ZFP1: variants seen among roughly 807,000 people sequenced by gnomAD.
ZFP1 encodes the protein zinc finger protein 1 homolog.
ZFP1 carries 32 observed loss-of-function variants against 38.5 expected under a neutral mutation model. That is an observed-to-expected ratio of 0.83 (90% CI 0.63 to 1.12). The LOEUF (loss-of-function observed/expected upper bound fraction) is 1.12. ZFP1 is among the 50% of genes most tolerant of loss of function. The pLI is 0.00. For missense variants in ZFP1, 616 were observed against 480.8 expected (o/e 1.28, Z -2.63); for synonymous variants, 245 against 168.8 (o/e 1.45, Z -3.50).
the ZFP1 span, among the ~76,000 whole-genome samples, chr16:75,134,987 G>A: frequency 1.3e-5 from 2 of 151,592 alleles, no homozygotes; most frequent in African/African-American, 4.9e-5. Context: ...CCAGGAGGCG[G>A]TGTTTGCGAT....
the ZFP1 span, among the ~76,000 whole-genome samples, chr16:75,124,613 C>T: frequency 6.7e-6 from 1 of 150,088 alleles, no homozygotes; most frequent in Admixed American, 6.6e-5. Context: ...GAAACCCCAT[C>T]TCTACTAAAA....
rs142601949 is a variant in ZFP1 at position 75,167,024 on chromosome 16, A to G, written c.142+128A>G. 9.9e-4 allele frequency: 1,450 copies of G among 1,463,266 alleles called. 7 individuals carry two copies. Among genetic ancestry groups the G allele is most frequent in the Middle Eastern group, 7.9e-3 (43 of 5,452 alleles). The allele number at this position is 1,463,266 out of a possible 1,614,324, so 90.6% of individuals were successfully genotyped here. ...TAAGTCCTCAGGTATTAAACCTGAG[A>G]GATCTTGCAGCCTTTAAAGCTCTAT... On this transcript the variant is annotated intron_variant, in intron 3 of 3. Coordinates refer to ENST00000570010, the MANE Select transcript of ZFP1 (RefSeq NM_153688.4).
At chr16:75,161,361 G>T (rs542877802) in intron 2 of ZFP1, among the ~76,000 whole-genome samples, 1 of 151,842 alleles carries the variant, frequency 6.6e-6, no homozygotes, top group Non-Finnish European at 1.5e-5. Flanking sequence ...GAGCCACTGC[G>T]CCCGGCCAAC....
intron 2 of ZFP1, among the ~76,000 whole-genome samples, chr16:75,162,950 C>A (rs1401493631): frequency 1.3e-5 from 2 of 149,738 alleles, no homozygotes; most frequent in African/African-American, 5.0e-5. Flanking sequence ...TGCTCTGTTG[C>A]CCAGGCTGGA....
intron 1 of ZFP1, chr16:75,149,180 TATC>T (rs1567519981): frequency 6.6e-6 from 1 of 152,344 alleles, no homozygotes; most frequent in Non-Finnish European, 1.5e-5. Flanking sequence ...CTTCCAGCGT[TATC>T]ATCTCCGTCG....
At chr16:75,134,889 C>A in the ZFP1 span, among the ~76,000 whole-genome samples, 21 of 151,894 alleles carry the variant, frequency 1.4e-4, no homozygotes, top group African/African-American at 2.4e-5. Flanking sequence ...GAAACCCCAT[C>A]TCTACTAAAA....
the ZFP1 span, among the ~76,000 whole-genome samples, chr16:75,120,244 C>T: frequency 2.0e-5 from 3 of 151,978 alleles, no homozygotes; most frequent in African/African-American, 7.3e-5. Context: ...TTTTTTTGAG[C>T]GAAAGTTTTT....
intron 1 of ZFP1, among the ~76,000 whole-genome samples, chr16:75,149,628 C>T (rs1173309308): frequency 1.5e-5 from 2 of 129,696 alleles, no homozygotes; most frequent in Non-Finnish European, 3.1e-5. Context: ...GGCTTGATCT[C>T]GGCTCACTGC....
Position 75,170,165 on chromosome 16 carries a change from A to G in ZFP1, c.1055A>G (p.Tyr352Cys), listed in dbSNP as rs200868124. The G allele has an allele frequency of 5.0e-6, 8 of 1,614,222 alleles. No homozygotes were observed. In the South Asian group the frequency reaches 5.5e-5, roughly 11 times the overall value. ...HMRTHTGEKPYECTECGKTFS... is the reference protein window; with the variant it reads ...HMRTHTGEKPCECTECGKTFS... ...AGAACTCATACAGGAGAGAAACCCT[A>G]TGAATGTACTGAGTGCGGCAAAACT... Residue 352 changes from tyrosine to cysteine, a missense_variant, in exon 4 of 4, where the codon TAT (tyrosine) becomes TGT (cysteine). By Grantham distance (194) the Tyr-to-Cys change is radical. Coordinates refer to ENST00000570010, the MANE Select transcript of ZFP1 (RefSeq NM_153688.4).
chr16:75,152,086 A>C (rs779138361), intron 1 of ZFP1, among the ~76,000 whole-genome samples: 1 of 151,868 alleles, frequency 6.6e-6, no homozygotes, highest in Non-Finnish European at 1.5e-5. Context: ...CATTATCTTG[A>C]TTTTTCTACA....
chr16:75,152,650 T>C (rs984515249), intron 1 of ZFP1, among the ~76,000 whole-genome samples: 1 of 152,234 alleles, frequency 6.6e-6, no homozygotes, highest in African/African-American at 2.4e-5. Context: ...ATTTCAGCAG[T>C]TGAGGGTTCT....
chr16:75,127,393 C>G, the ZFP1 span, among the ~76,000 whole-genome samples: 2 of 149,972 alleles, frequency 1.3e-5, no homozygotes, highest in Non-Finnish European at 2.9e-5. Context: ...AAGACTCTGT[C>G]TCAGAAAAAA....
At chr16:75,144,213 T>C (rs1345100917), upstream of ZFP1, 1 of 152,210 alleles carries the variant, frequency 6.6e-6, no homozygotes, top group Non-Finnish European at 1.5e-5. Flanking sequence ...CTTGTGTGTA[T>C]GTGTGTGTGG....
the ZFP1 span, among the ~76,000 whole-genome samples, chr16:75,139,390 A>ACAAAAC: frequency 4.4e-3 from 577 of 131,364 alleles, 13 homozygotes; most frequent in African/African-American, 0.023. Context: ...AAAAAAAAAA[A>ACAAAAC]AAAAAACACC....
chr16:75,123,799 A>G, the ZFP1 span, among the ~76,000 whole-genome samples: 3 of 149,836 alleles, frequency 2.0e-5, no homozygotes, highest in Non-Finnish European at 4.4e-5. Context: ...TCTTAAAAAA[A>G]GTTGTGTCCC....
At chr16:75,149,725 G>C (rs1307127475) in intron 1 of ZFP1, among the ~76,000 whole-genome samples, 1 of 151,386 alleles carries the variant, frequency 6.6e-6, no homozygotes, top group Non-Finnish European at 1.5e-5. Flanking sequence ...CGTCCGGCCA[G>C]ACACAATTTA....
chr16:75,141,266 A>G, the ZFP1 span, among the ~76,000 whole-genome samples: 318 of 137,824 alleles, frequency 2.3e-3, 3 homozygotes, highest in Middle Eastern at 4.3e-3. Context: ...GCAGTGGTGC[A>G]ATCTCGGCTC....
intron 1 of ZFP1, among the ~76,000 whole-genome samples, chr16:75,150,651 A>C (rs915752770): frequency 2.7e-5 from 4 of 149,550 alleles, no homozygotes; most frequent in Non-Finnish European, 5.9e-5. Flanking sequence ...GTTTTAGTAG[A>C]CTCCTGGTCT....
Position 75,167,391 on chromosome 16 carries a change from C to A in ZFP1, c.142+495C>A, listed in dbSNP as rs540284082. Among the ~76,000 whole-genome samples the A allele has an allele frequency of 9.7e-4, 122 of 125,640 alleles. 1 individual carries two copies. Among genetic ancestry groups the A allele is most frequent in the African/African-American group, 4.6e-3 (117 of 25,508 alleles). The allele number at this position is 125,640 out of a possible 152,430, so 82.4% of individuals were successfully genotyped here. A position where few individuals can be genotyped will look rare whatever the true frequency, so the allele number is the denominator to read the frequency against. On this transcript the variant is annotated intron_variant, in intron 3 of 3. Transcript: ENST00000570010. ...ACCTCCAAATATCCGTCTCTCCCTG[C>A]TTACCTTTTTTTTTTTCCTGTTTAA...
Sources: allele counts gnomAD v4.1 joint callset (sites outside exome capture counted in the v4.1 genomes callset), GRCh38; gene constraint gnomAD v4.1.1; transcripts MANE v1.5; gene names NCBI Gene and HGNC (gene_info 2026-07-23, HGNC 2026-07-21).